The following PPP1CB variants were observed in gnomAD, a reference collection of about 807,000 sequenced individuals.
PPP1CB encodes the protein protein phosphatase 1 catalytic subunit beta, also known as serine/threonine-protein phosphatase PP1-beta catalytic subunit.
A neutral mutation model predicts 43.7 loss-of-function variants in PPP1CB; 2 were observed. The observed-to-expected ratio is 0.05, with a 90% confidence interval of 0.02 to 0.14. The LOEUF is 0.14. PPP1CB is among the 10% of genes least tolerant of loss of function. PPP1CB has a pLI of 1.00. For missense variants in PPP1CB, 84 were observed against 398.0 expected (o/e 0.21, Z 6.71); for synonymous variants, 136 against 135.6 (o/e 1.00, Z -0.02).
intron 1 of PPP1CB, among the ~76,000 whole-genome samples, chr2:28,763,894 C>T (rs546236051): frequency 6.7e-5 from 10 of 149,562 alleles, no homozygotes; most frequent in East Asian, 2.1e-4. Flanking sequence ...TTAGTAGAGA[C>T]GGGGTTTCAG....
intron 1 of PPP1CB, among the ~76,000 whole-genome samples, chr2:28,775,821 T>C (rs1667027472): frequency 6.6e-6 from 1 of 152,140 alleles, no homozygotes; most frequent in Non-Finnish European, 1.5e-5. Context: ...AACTCTTCTG[T>C]CTCTCCATGC....
chr2:28,796,553 G>A (rs1342939999), intron 7 of PPP1CB, among the ~76,000 whole-genome samples: 2 of 152,006 alleles, frequency 1.3e-5, no homozygotes, highest in Non-Finnish European at 2.9e-5. Flanking sequence ...TGTAAATGCA[G>A]TTCTTGATTT....
At chr2:28,779,344 T>C (rs1165154160) in intron 3 of PPP1CB, among the ~76,000 whole-genome samples, 2 of 152,232 alleles carry the variant, frequency 1.3e-5, no homozygotes, top group African/African-American at 2.4e-5. Flanking sequence ...GGTTTTCTAG[T>C]GTCCATTAAG....
intron 1 of PPP1CB, among the ~76,000 whole-genome samples, chr2:28,756,938 T>G: frequency 6.6e-6 from 1 of 152,204 alleles, no homozygotes; most frequent in East Asian, 1.9e-4. Flanking sequence ...GAGGATATGA[T>G]TTTTAGTATA....
intron 6 of PPP1CB, 122 bp from the exon 7 acceptor site, chr2:28,793,741 C>A: frequency 2.9e-6 from 3 of 1,035,864 alleles, no homozygotes; most frequent in East Asian, 2.6e-5. Context: ...ACTTCCAAAA[C>A]AAAACAGGGT....
intron 7 of PPP1CB, among the ~76,000 whole-genome samples, chr2:28,797,588 G>C (rs1056542288): frequency 2.0e-5 from 3 of 152,018 alleles, no homozygotes; most frequent in Non-Finnish European, 4.4e-5. Context: ...GTGTGTTTTT[G>C]TGAATGTATT....
intron 1 of PPP1CB, among the ~76,000 whole-genome samples, chr2:28,754,264 A>G (rs930411047): frequency 6.8e-5 from 10 of 146,566 alleles, no homozygotes; most frequent in Non-Finnish European, 1.2e-4. Context: ...ACACTGGGGG[A>G]AAAATAAGTG....
In PPP1CB at chr2:28,752,345, C is replaced by G. The variant is rs1015575096; in HGVS notation, c.52+169C>G. On this transcript the variant is annotated intron_variant, in intron 1 of 7. Transcript: ENST00000395366. ...GGAGGGGGCGAGGAGGCTCTGGGCG[C>G]GGGGGAGCGGCCTCTGGGAGCGCGG... 5.9e-5 allele frequency among the ~76,000 whole-genome samples: 9 copies of G among 151,950 alleles called. 1 individual carries two copies. In the South Asian group the frequency reaches 1.9e-3, roughly 32 times the overall value.
In PPP1CB at chr2:28,787,208, C is replaced by G. The variant is rs1287515118; in HGVS notation, c.593-1450C>G. The stretch of plus-strand genomic sequence containing the variant: ...GGCGCGGTGGCTCACACTTGTAATC[C>G]CAGCACTCTGGGAGGCCGAAGCGGG... On this transcript the variant is annotated intron_variant, in intron 5 of 7. Transcript: ENST00000395366. 3.3e-5 allele frequency among the ~76,000 whole-genome samples: 5 copies of G among 152,044 alleles called. No homozygotes were observed. The East Asian group carries it at 9.6e-4, about 29-fold the overall frequency.
chr2:28,752,214 G>A, intron 1 of PPP1CB, 38 bp downstream of exon 1: 1 of 1,509,164 alleles, frequency 6.6e-7, no homozygotes, highest in South Asian at 1.2e-5. Flanking sequence ...AGGGAGGTCG[G>A]GCACCGCCGC....
At chr2:28,769,799 AAG>A (rs1227681146) in intron 1 of PPP1CB, among the ~76,000 whole-genome samples, 2 of 152,182 alleles carry the variant, frequency 1.3e-5, no homozygotes, top group African/African-American at 4.8e-5. Flanking sequence ...TAAATGAAAA[AAG>A]AATATATAAC....
chr2:28,788,931 C>T (rs1055282084), intron 6 of PPP1CB, 122 bp downstream of exon 6: 55 of 998,696 alleles, frequency 5.5e-5, no homozygotes, highest in Non-Finnish European at 7.6e-5. Flanking sequence ...AATCTCTGCT[C>T]ACTGCAACCT....
intron 7 of PPP1CB, among the ~76,000 whole-genome samples, chr2:28,797,806 A>T (rs1667528627): frequency 6.6e-6 from 1 of 152,136 alleles, no homozygotes; most frequent in Non-Finnish European, 1.5e-5. Context: ...AAAAGAGGCC[A>T]GTTTTAGCTT....
intron 4 of PPP1CB, among the ~76,000 whole-genome samples, chr2:28,783,649 C>T (rs184931617): frequency 2.0e-4 from 30 of 151,620 alleles, no homozygotes; most frequent in Admixed American, 4.6e-4. Context: ...CCCAGCTACT[C>T]GGGAGACTGA....
At chr2:28,785,670 A>G (rs62129844) in intron 5 of PPP1CB, among the ~76,000 whole-genome samples, 1 of 151,770 alleles carries the variant, frequency 6.6e-6, no homozygotes, top group Non-Finnish European at 1.5e-5. Flanking sequence ...TTTTTTTTTA[A>G]TTAGCCACAT....
chr2:28,791,439 T>A (rs908080185), intron 6 of PPP1CB, among the ~76,000 whole-genome samples: 2 of 152,126 alleles, frequency 1.3e-5, no homozygotes, highest in Admixed American at 1.3e-4. Flanking sequence ...CAAGTGATTC[T>A]CCTGCCTTAG....
At chr2:28,757,644 G>A (rs1250225815) in intron 1 of PPP1CB, among the ~76,000 whole-genome samples, 4 of 152,116 alleles carry the variant, frequency 2.6e-5, no homozygotes, top group Non-Finnish European at 5.9e-5. Context: ...GATCACCCGA[G>A]GAATATTTTA....
chr2:28,784,603 T>C (rs1481908500), intron 5 of PPP1CB, among the ~76,000 whole-genome samples: 1 of 151,994 alleles, frequency 6.6e-6, no homozygotes, highest in Non-Finnish European at 1.5e-5. Context: ...GTGGTCAGTT[T>C]TGTGAAAATT....
chr2:28,786,880 A>G (rs1667278746), intron 5 of PPP1CB, among the ~76,000 whole-genome samples: 3 of 151,890 alleles, frequency 2.0e-5, no homozygotes, highest in Admixed American at 2.0e-4. Context: ...GGGTGGGTGT[A>G]TATTTTCGAA....
Sources: gnomAD v4.1 joint callset for allele counts (sites outside exome capture counted in the v4.1 genomes callset) on GRCh38, gnomAD v4.1.1 for gene constraint, MANE v1.5 for transcripts, NCBI Gene and HGNC (gene_info 2026-07-23, HGNC 2026-07-21) for gene names.